Variants in COP1 observed in about 807,000 individuals in gnomAD.
COP1 encodes E3 ubiquitin-protein ligase COP1.
COP1 carries 24 observed loss-of-function variants against 101.3 expected under a neutral mutation model. That is an observed-to-expected ratio of 0.24 (90% CI 0.17 to 0.33). The LOEUF is 0.33. COP1 is among the 10% of genes least tolerant of loss of function. The probability of loss-of-function intolerance (pLI) is 1.00; values close to 1 mark genes in which losing one functional copy is unlikely to be tolerated. For synonymous variants in COP1, 347 were observed against 341.9 expected, an observed-to-expected ratio of 1.01 and a Z score of -0.17; for missense variants, 663 against 906.2, an observed-to-expected ratio of 0.73 and a Z score of 3.45.
chr1:176,026,145 C>A (rs893449727), intron 15 of COP1, among the ~76,000 whole-genome samples: 10 of 151,902 alleles, frequency 6.6e-5, no homozygotes, highest in African/African-American at 2.4e-4. Context: ...TAGCAGATAG[C>A]GGAAGCATTT....
intron 14 of COP1, among the ~76,000 whole-genome samples, chr1:176,036,576 C>T (rs1571838451): frequency 6.7e-6 from 1 of 150,268 alleles, no homozygotes; most frequent in African/African-American, 2.4e-5. Context: ...TATAGACAGT[C>T]CCCAATTTAA....
At chr1:176,161,499 G>A (rs1441998971) in intron 5 of COP1, among the ~76,000 whole-genome samples, 2 of 152,116 alleles carry the variant, frequency 1.3e-5, no homozygotes, top group East Asian at 3.9e-4. Flanking sequence ...GTGAGAGGCT[G>A]AGGCAGGAGA....
At chr1:176,119,838 C>T (rs566316071) in intron 8 of COP1, among the ~76,000 whole-genome samples, 2 of 152,118 alleles carry the variant, frequency 1.3e-5, no homozygotes, top group Non-Finnish European at 2.9e-5. Context: ...AACTTCACAG[C>T]TCTAATGTAG....
chr1:176,038,198 C>T (rs1384464518), intron 14 of COP1, among the ~76,000 whole-genome samples: 3 of 151,970 alleles, frequency 2.0e-5, no homozygotes, highest in Admixed American at 6.5e-5. Context: ...AAAATACCTG[C>T]GAAACTTGCA....
chr1:175,993,534 C>T (rs574560836), intron 15 of COP1, among the ~76,000 whole-genome samples: 10 of 152,180 alleles, frequency 6.6e-5, no homozygotes, highest in South Asian at 4.2e-4. Context: ...ATAACCAATA[C>T]AGAGAAGTGC....
At chr1:176,038,523 T>A (rs1347531977) in intron 14 of COP1, among the ~76,000 whole-genome samples, 1 of 152,100 alleles carries the variant, frequency 6.6e-6, no homozygotes, top group Non-Finnish European at 1.5e-5. Context: ...ATGGTACAAG[T>A]AAAAGAAGAG....
intron 18 of COP1, among the ~76,000 whole-genome samples, chr1:175,978,967 G>A (rs1655192311): frequency 6.6e-6 from 1 of 152,092 alleles, no homozygotes; most frequent in Admixed American, 6.5e-5. Flanking sequence ...TTCTTCCTGA[G>A]GTAGGTGAGG....
chr1:176,000,726 T>C (rs1661399458), intron 15 of COP1, among the ~76,000 whole-genome samples: 1 of 151,972 alleles, frequency 6.6e-6, no homozygotes, highest in Admixed American at 6.6e-5. Flanking sequence ...ACATGCAATG[T>C]TGCTTTTTTT....
intron 15 of COP1, among the ~76,000 whole-genome samples, chr1:176,007,997 C>T (rs558990678): frequency 1.4e-4 from 21 of 152,290 alleles, no homozygotes; most frequent in African/African-American, 5.1e-4. Flanking sequence ...ATCAGGGAGA[C>T]TCCGTGGGCG....
intron 6 of COP1, among the ~76,000 whole-genome samples, chr1:176,139,782 A>C (rs1690385161): frequency 6.6e-6 from 1 of 152,194 alleles, no homozygotes; most frequent in Admixed American, 6.5e-5. Flanking sequence ...AGATGGTTAC[A>C]ACAGACACAG....
chr1:176,048,632 C>T (rs896552331), intron 11 of COP1, among the ~76,000 whole-genome samples: 9 of 152,102 alleles, frequency 5.9e-5, no homozygotes, highest in African/African-American at 2.2e-4. Flanking sequence ...GAACTGAAAT[C>T]CTGTTTTTAA....
chr1:176,082,193 A>G (rs908839628), intron 10 of COP1, among the ~76,000 whole-genome samples: 11 of 152,180 alleles, frequency 7.2e-5, no homozygotes, highest in African/African-American at 2.4e-4. Context: ...GAATGAAAAA[A>G]ACAATGAGCA....
rs532613267 is a variant in COP1, at chr1:176,101,179, G to C, written c.1027-15289C>G. 3.7e-4 allele frequency among the ~76,000 whole-genome samples: 57 copies of C among 152,272 alleles called. 1 individual carries two copies. Among genetic ancestry groups the C allele is most frequent in the African/African-American group, 1.3e-3 (56 of 41,558 alleles). ...CCCACCATCAACATCAGTGAAAGCT[G>C]CTTTGACACCCATGGGTGGCACCCT... On this transcript the variant is annotated intron_variant, in intron 9 of 19. Coordinates refer to ENST00000367669, the MANE Select transcript of COP1 (RefSeq NM_022457.7).
intron 9 of COP1, among the ~76,000 whole-genome samples, chr1:176,115,851 A>G (rs974247217): frequency 6.6e-6 from 1 of 152,204 alleles, no homozygotes; most frequent in East Asian, 1.9e-4. Context: ...AGATGAAGAG[A>G]GTAAAGGTTA....
At chr1:175,964,769 A>C (rs182240441) in intron 18 of COP1, among the ~76,000 whole-genome samples, 1 of 152,374 alleles carries the variant, frequency 6.6e-6, no homozygotes, top group East Asian at 1.9e-4. Flanking sequence ...ACAGTGAGAA[A>C]CATGGCTGAA....
chr1:176,164,015 A>G (rs940178845), intron 3 of COP1, 124 bp from the exon 4 acceptor site: 2 of 548,528 alleles, frequency 3.6e-6, no homozygotes, highest in Non-Finnish European at 6.5e-6. Context: ...AAAACATGCT[A>G]AACAGAAAGT....
At chr1:176,162,275 T>G (rs1429708182) in intron 5 of COP1, among the ~76,000 whole-genome samples, 1 of 152,222 alleles carries the variant, frequency 6.6e-6, no homozygotes, top group Non-Finnish European at 1.5e-5. Context: ...CAGGGTAGTA[T>G]TTGCTTATGC....
At chr1:176,118,043 C>T (rs1049896643) in intron 8 of COP1, among the ~76,000 whole-genome samples, 4 of 152,186 alleles carry the variant, frequency 2.6e-5, no homozygotes, top group Non-Finnish European at 5.9e-5. Context: ...GAAAGAACCT[C>T]AAAGGTTAAA....
At chr1:176,037,933 C>T (rs1218389772) in intron 14 of COP1, among the ~76,000 whole-genome samples, 1 of 151,986 alleles carries the variant, frequency 6.6e-6, no homozygotes, top group Non-Finnish European at 1.5e-5. Context: ...GAAGTCCTTG[C>T]CAGTACAAAA....
Sources: gnomAD v4.1 joint callset for allele counts (sites outside exome capture counted in the v4.1 genomes callset) on GRCh38, gnomAD v4.1.1 for gene constraint, MANE v1.5 for transcripts, NCBI Gene and HGNC (gene_info 2026-07-23, HGNC 2026-07-21) for gene names.